DHX9: variants seen among roughly 807,000 people sequenced by gnomAD.
DHX9 encodes the protein DExH-box helicase 9.
A neutral mutation model predicts 148.7 loss-of-function variants in DHX9; 27 were observed. The observed-to-expected ratio is 0.18, with a 90% CI of 0.13 to 0.25. DHX9 has a LOEUF of 0.25. DHX9 is among the 10% of genes least tolerant of loss of function. The pLI is 1.00. For missense variants in DHX9, 796 were observed against 1,559.6 expected, an observed-to-expected ratio of 0.51 and a Z score of 8.25; for synonymous variants, 529 against 516.6, an observed-to-expected ratio of 1.02 and a Z score of -0.33.
Position 182,882,738 on chromosome 1 carries a change from G to A in DHX9, c.2915-401G>A, listed in dbSNP as rs60554455. On this transcript the variant is annotated intron_variant, in intron 24 of 27. Coordinates refer to ENST00000367549, the MANE Select transcript of DHX9 (RefSeq NM_001357.5). The stretch of plus-strand genomic sequence containing the variant: ...AAATTAGCCGGGCGTGGTGGCGGGT[G>A]CCTGTAGTCCCAGCTACTTGGGAGG... 4.2e-3 allele frequency among the ~76,000 whole-genome samples: 633 copies of A among 152,126 alleles called. 2 individuals are homozygous for A. Among genetic ancestry groups the A allele is most frequent in the African/African-American group, 0.015 (620 of 41,508 alleles).
At chr1:182,840,517 C>G (rs1667904346) in intron 1 of DHX9, among the ~76,000 whole-genome samples, 1 of 152,098 alleles carries the variant, frequency 6.6e-6, no homozygotes, top group East Asian at 1.9e-4. Flanking sequence ...CCAGGATGGT[C>G]TCGATCTCTC....
intron 15 of DHX9, among the ~76,000 whole-genome samples, chr1:182,873,135 T>G (rs995462969): frequency 6.6e-6 from 1 of 152,116 alleles, no homozygotes; most frequent in African/African-American, 2.4e-5. Flanking sequence ...TTTGTATATT[T>G]TGTAGAGACA....
chr1:182,877,728 GTTAA>G (rs1315495465), intron 19 of DHX9: 13 of 287,708 alleles, frequency 4.5e-5, no homozygotes, highest in Non-Finnish European at 7.9e-5. Context: ...CTTTGCATTT[GTTAA>G]TTTATTTAAT....
chr1:182,854,928 A>G (rs1232798451), intron 6 of DHX9, among the ~76,000 whole-genome samples: 2 of 152,056 alleles, frequency 1.3e-5, no homozygotes, highest in Non-Finnish European at 1.5e-5. Flanking sequence ...TGTAATGGAA[A>G]CCTTTTTGAA....
chr1:182,866,595 G>A lies in DHX9; in HGVS notation c.1474+10G>A, dbSNP rs769482661. ...ATGTTTTGTACTGTAGGTCAGTAAT[G>A]TATTTTGATTTTTCATTTGGGGTTT... is the stretch of plus-strand genomic sequence containing the variant. On this transcript the variant is annotated intron_variant, in intron 13 of 27. Transcript: ENST00000367549. 1.9e-6 allele frequency: 3 copies of A among 1,604,758 alleles called. No homozygotes were observed. Among genetic ancestry groups the A allele is most frequent in the South Asian group, 2.2e-5 (2 of 89,920 alleles).
At chr1:182,856,059 T>C (rs1668245907) in intron 6 of DHX9, among the ~76,000 whole-genome samples, 1 of 152,192 alleles carries the variant, frequency 6.6e-6, no homozygotes, top group Non-Finnish European at 1.5e-5. Context: ...ATGCACAAAG[T>C]GTATGTGCAT....
At chr1:182,840,153 A>G (rs1226802391) in intron 1 of DHX9, among the ~76,000 whole-genome samples, 5 of 152,264 alleles carry the variant, frequency 3.3e-5, no homozygotes, top group South Asian at 4.1e-4. Flanking sequence ...GTGTAGGACA[A>G]TATTTCACTA....
chr1:182,859,165 T>TA (rs1557970061), intron 11 of DHX9, 48 bp downstream of exon 11: 4 of 1,548,672 alleles, frequency 2.6e-6, no homozygotes, highest in Non-Finnish European at 3.6e-6. Context: ...TTCAGAATGT[T>TA]CTAGGTATGG....
rs1281548352 is a variant in DHX9, at chr1:182,884,760, T to C, written c.3408T>C (p.Arg1136=). ...PVNERMLNMI[R]QISRPSAAGI... Reference sequence around the variant, plus strand: ...ATGAACGTATGCTGAACATGATCCGTCAGATCTCTAGACCCTCAGCTGCTG... The same window carrying C: ...ATGAACGTATGCTGAACATGATCCGCCAGATCTCTAGACCCTCAGCTGCTG... Residue 1136 remains arginine, a synonymous_variant, in exon 27 of 28, where the codon CGT becomes CGC. Coordinates refer to ENST00000367549, the MANE Select transcript of DHX9 (RefSeq NM_001357.5). 6 of 1,614,044 alleles carry C rather than the reference T, an allele frequency of 3.7e-6. No individual in the cohort carries two copies. The African/African-American group carries it at 6.7e-5, about 18-fold the overall frequency.
chr1:182,880,419 CT>C (rs772745421), intron 21 of DHX9, 77 bp from the exon 22 acceptor site: 22 of 958,452 alleles, frequency 2.3e-5, no homozygotes, highest in Non-Finnish European at 3.3e-5. Context: ...CTGTCTTAAC[CT>C]TAATTTAGAG....
chr1:182,865,245 G>A (rs1464688499), intron 12 of DHX9, among the ~76,000 whole-genome samples: 1 of 152,172 alleles, frequency 6.6e-6, no homozygotes, highest in Non-Finnish European at 1.5e-5. Flanking sequence ...GAATTCTCTT[G>A]ATGGACAGAT....
Position 182,878,015 on chromosome 1 carries a change from A to T in DHX9, c.2199-6A>T, listed in dbSNP as rs201085310. 6.2e-7 allele frequency: 1 copy of T among 1,613,982 alleles called. No homozygotes were observed. Among genetic ancestry groups the T allele is most frequent in the Admixed American group, 1.7e-5 (1 of 59,976 alleles). ...GTCTTAGAATTAACCACTTTTTCCTATGTAGGCAGAAAGTGAAACTCTTCA... is the reference window on the plus strand; with the variant it reads ...GTCTTAGAATTAACCACTTTTTCCTTTGTAGGCAGAAAGTGAAACTCTTCA... On this transcript the variant is annotated splice_polypyrimidine_tract_variant and splice_region_variant and intron_variant, in intron 19 of 27. Transcript: ENST00000367549.
intron 3 of DHX9, among the ~76,000 whole-genome samples, chr1:182,846,106 C>A (rs907777618): frequency 6.6e-6 from 1 of 152,168 alleles, no homozygotes; most frequent in Admixed American, 6.5e-5. Context: ...GTGACCATCC[C>A]CCCACACCTG....
intron 26 of DHX9, among the ~76,000 whole-genome samples, chr1:182,883,876 A>G (rs1649201815): frequency 6.6e-6 from 1 of 152,068 alleles, no homozygotes; most frequent in Admixed American, 6.6e-5. Flanking sequence ...CCTTTCACAT[A>G]CTCTGTATAT....
chr1:182,871,530 C>G (rs1328987864), intron 14 of DHX9, among the ~76,000 whole-genome samples: 1 of 152,150 alleles, frequency 6.6e-6, no homozygotes, highest in Non-Finnish European at 1.5e-5. Context: ...CATGTTTAAC[C>G]TACAGAAACT....
At chr1:182,855,966 T>A (rs1253942741) in intron 6 of DHX9, among the ~76,000 whole-genome samples, 1 of 152,236 alleles carries the variant, frequency 6.6e-6, no homozygotes, top group Non-Finnish European at 1.5e-5. Context: ...ATAAATGTGA[T>A]AAAAATAGGC....
In DHX9 at chr1:182,881,285, C is replaced by T. The variant is rs1455560951; in HGVS notation, c.2646C>T (p.Thr882=). 2.5e-6 allele frequency: 4 copies of T among 1,613,850 alleles called. No homozygotes were observed. Among genetic ancestry groups the T allele is most frequent in the Non-Finnish European group, 3.4e-6 (4 of 1,179,894 alleles). ...CIFYVGDAIC[T]IAAATCFPEP... ...TCAGCGTGGGAGATGCTATCTGTAC[C>T]ATTGCTGCTGCTACCTGCTTTCCAG... The change falls in exon 23 of 28, where the codon ACC becomes ACT. Residue 882 remains threonine (T), a synonymous_variant. Coordinates refer to ENST00000367549, the MANE Select transcript of DHX9 (RefSeq NM_001357.5).
intron 27 of DHX9, among the ~76,000 whole-genome samples, chr1:182,885,131 A>G (rs1649266441): frequency 6.6e-6 from 1 of 152,174 alleles, no homozygotes; most frequent in South Asian, 2.1e-4. Flanking sequence ...CCCTTTTTCC[A>G]TGGTACTGTT....
intron 20 of DHX9, 100 bp from the exon 21 acceptor site, chr1:182,879,150 A>G: frequency 1.0e-6 from 1 of 959,868 alleles, no homozygotes; most frequent in Non-Finnish European, 1.5e-6. Flanking sequence ...AAGGATGAGG[A>G]AAAGGCAGCT....
Sources: gnomAD v4.1 joint callset for allele counts (sites outside exome capture counted in the v4.1 genomes callset) on GRCh38, gnomAD v4.1.1 for gene constraint, MANE v1.5 for transcripts, NCBI Gene and HGNC (gene_info 2026-07-23, HGNC 2026-07-21) for gene names.